The following VWA7 variants were observed in gnomAD, a reference collection of about 807,000 sequenced individuals.
VWA7 encodes von Willebrand factor A domain-containing protein 7.
Under a neutral mutation model 83.1 loss-of-function variants are expected in VWA7, and 66 were observed. The observed-to-expected ratio is 0.79, with a 90% CI of 0.65 to 0.98. The LOEUF (loss-of-function observed/expected upper bound fraction) is 0.98. VWA7 is among the 50% of genes least tolerant of loss of function. The pLI, the probability that VWA7 is intolerant of heterozygous loss-of-function variation, is 0.00. For synonymous variants in VWA7, 424 were observed against 488.5 expected (o/e 0.87, Z 1.74); for missense variants, 1,080 against 1,160.2 (o/e 0.93, Z 1.00).
At position 31,776,745 on chromosome 6, in the gene VWA7, C is replaced by T. The variant is rs1184700767; in HGVS notation, c.35G>A (p.Gly12Asp). ...CTGCAGCAGAAGCAACGCTGAGGGG[C>T]CCGGGTGGGATTGGGGGACCTCCGT... is the stretch of plus-strand genomic sequence containing the variant. Reference protein sequence around the residue: ...LPTEVPQSHPGPSALLLLQLL... With the variant: ...LPTEVPQSHPDPSALLLLQLL... The change falls in exon 2 of 17, where the codon GGC becomes GAC. Residue 12 changes from glycine to aspartate, a missense_variant. Transcript: ENST00000375688. This position sits in a 1 kb window ranked among gnomAD's most constrained non-coding sequence, Gnocchi z 6.2. 4 of 1,457,902 alleles carry T rather than the reference C, an allele frequency of 2.7e-6. No homozygotes were observed. The highest frequency in any genetic ancestry group is 3.6e-6 in the Non-Finnish European group (4 of 1,098,602). The allele number at this position is 1,457,902 out of a possible 1,614,324, so 90.3% of individuals were successfully genotyped here. A position where few individuals can be genotyped will look rare whatever the true frequency, so the allele number is the denominator to read the frequency against.
chr6:31,774,410 T>A, intron 5 of VWA7, 106 bp downstream of exon 5: 1 of 1,089,852 alleles, frequency 9.2e-7, no homozygotes, highest in Non-Finnish European at 1.3e-6. Flanking sequence ...CATCCTCTCC[T>A]CCTAGGAGGA....
In VWA7 at chr6:31,766,544, C is replaced by T. The variant is rs183755311; in HGVS notation, c.2103G>A (p.Glu701=). 1.9e-6 allele frequency: 3 copies of T among 1,612,812 alleles called. No individual in the cohort carries two copies. The Admixed American group carries it at 5.0e-5, about 27-fold the overall frequency. ...LLSTPRPFSL[E]LIGQDAAGRR... is the part of the protein sequence containing the mutation. ...GCCCCGCTGCGTCCTGGCCAATCAG[C>T]TCCAGGGAGAAGGGTCTAGGGGTGG... is the stretch of plus-strand genomic sequence containing the variant. Residue 701 remains glutamate (E), a synonymous_variant, in exon 14 of 17, where the codon GAG becomes GAA. Transcript: ENST00000375688. This position sits in a 1 kb window ranked among gnomAD's most constrained non-coding sequence, Gnocchi z 4.9.
Position 31,765,748 on chromosome 6 carries a change from C to T in VWA7, c.2522G>A (p.Gly841Asp). ...CGTGGTGAGGATCGGGTCAGATGAG[C>T]CGGTAGGGGTGGTGTGCCGGTCCTG... ...APQDRHTTPT[G>D]SSDPILTTAT... Residue 841 changes from glycine (G) to aspartate (D), a missense_variant, in exon 17 of 17, where the codon GGC (glycine) becomes GAC (aspartate). By Grantham distance (94) the Gly-to-Asp change is moderately conservative (BLOSUM62 -1). Coordinates refer to ENST00000375688, the MANE Select transcript of VWA7 (RefSeq NM_025258.3). 1.3e-6 allele frequency: 2 copies of T among 1,588,044 alleles called. No homozygotes were observed. Among genetic ancestry groups the T allele is most frequent in the Non-Finnish European group, 1.7e-6 (2 of 1,166,840 alleles).
At chr6:31,770,732 A>T (rs897943316) in intron 7 of VWA7, among the ~76,000 whole-genome samples, 10 of 151,494 alleles carry the variant, frequency 6.6e-5, no homozygotes, top group Non-Finnish European at 1.0e-4. Context: ...GCGTATATAA[A>T]AAAAAAAATG....
At position 31,767,295 on chromosome 6, in the gene VWA7, T is replaced by C. The variant is rs192536321; in HGVS notation, c.1790-45A>G. The C allele has an allele frequency of 8.6e-4, 1,380 of 1,612,774 alleles. 11 individuals are homozygous for C. The African/African-American group carries it at 0.013, about 15-fold the overall frequency. On this transcript the variant is annotated intron_variant, in intron 12 of 16. Coordinates refer to ENST00000375688, the MANE Select transcript of VWA7 (RefSeq NM_025258.3). ...GTCAGAGCCCTTCCTGAAAGGAATG[T>C]GACTGATCGTGTTCTCTGAGGCCTG... is the stretch of plus-strand genomic sequence containing the variant.
chr6:31,773,194 G>C lies in VWA7; in HGVS notation c.917+48C>G, dbSNP rs185333600. On this transcript the variant is annotated intron_variant, in intron 6 of 16. Coordinates refer to ENST00000375688, the MANE Select transcript of VWA7 (RefSeq NM_025258.3). This position sits in a 1 kb window ranked among gnomAD's most constrained non-coding sequence, Gnocchi z 5.3. Reference sequence around the variant, plus strand: ...CCCAGCGCCTGGTTTCTCCCTTCCCGCAGGAGCGCCTCCCCATGAAGGGGT... The same window carrying C: ...CCCAGCGCCTGGTTTCTCCCTTCCCCCAGGAGCGCCTCCCCATGAAGGGGT... The C allele has an allele frequency of 1.5e-3, 2,383 of 1,588,962 alleles. 19 individuals are homozygous for C. Among genetic ancestry groups the C allele is most frequent in the East Asian group, 8.8e-3 (387 of 43,842 alleles).
chr6:31,772,621 GC>G (rs1214318620), intron 7 of VWA7, among the ~76,000 whole-genome samples: 1 of 38,862 alleles, frequency 2.6e-5, no homozygotes, highest in Non-Finnish European at 4.8e-5. Context: ...TTGTGACAGA[GC>G]TTTTTGCTCT....
At position 31,767,349 on chromosome 6, in the gene VWA7, C is replaced by A. The variant is rs780107181; in HGVS notation, c.1789+13G>T. On this transcript the variant is annotated intron_variant, in intron 12 of 16. Transcript: ENST00000375688. ...TCTCTGCTTCCCCTTCCCAGGAACA[C>A]CTCCCTCCTTACCTTGCACTCTCAC... The A allele has an allele frequency of 4.3e-6, 7 of 1,612,730 alleles. No homozygotes were observed. Among genetic ancestry groups the A allele is most frequent in the Non-Finnish European group, 5.9e-6 (7 of 1,179,186 alleles).
At position 31,769,889 on chromosome 6, in the gene VWA7, C is replaced by CCT. The variant is rs1812004972; in HGVS notation, c.1201-100_1201-99dup. On this transcript the variant is annotated intron_variant, in intron 8 of 16. Transcript: ENST00000375688. This position sits in a 1 kb window ranked among gnomAD's most constrained non-coding sequence, Gnocchi z 4.5. ...GCAGAAGGGAATATGGCCCGGGAAC[C>CCT]CTACAGTGAAGCTAGTGGATCTAGG... The CCT allele has an allele frequency of 1.3e-6, 2 of 1,486,202 alleles. No homozygotes were observed. Among genetic ancestry groups the CCT allele is most frequent in the Admixed American group, 3.4e-5 (2 of 59,290 alleles). The allele number at this position is 1,486,202 out of a possible 1,614,324, so 92.1% of individuals were successfully genotyped here.
Position 31,775,987 on chromosome 6 carries a change from C to T in VWA7, c.490G>A (p.Gly164Arg), listed in dbSNP as rs754227967. ...LDHTLARQRL[G>R]AALHALQDFY... ...ACCTGCAGGGCATGAAGTGCAGCCC[C>T]GAGGCGCTGGCGAGCCAGGGTGTGG... Residue 164 changes from glycine to arginine, a missense_variant, in exon 3 of 17, where the codon GGG (glycine) becomes AGG (arginine). Coordinates refer to ENST00000375688, the MANE Select transcript of VWA7 (RefSeq NM_025258.3). This position sits in a 1 kb window ranked among gnomAD's most constrained non-coding sequence, Gnocchi z 5.9. The T allele has an allele frequency of 8.7e-6, 14 of 1,611,728 alleles. No individual in the cohort carries two copies. The South Asian group carries it at 8.8e-5, about 10-fold the overall frequency.
At chr6:31,770,557 G>A (rs1350266944) in intron 7 of VWA7, among the ~76,000 whole-genome samples, 2 of 110,206 alleles carry the variant, frequency 1.8e-5, no homozygotes, top group African/African-American at 3.3e-5. Flanking sequence ...CCAGTCTGGC[G>A]ACAGACTCCA....
rs1229458392 is a variant in VWA7, at chr6:31,777,200, G to C, written c.-107C>G. ...TATAATTAACCGAGGCTCAGCAGAG[G>C]GGGAGGAAGGCCTCAACAGGGTGGG... is the stretch of plus-strand genomic sequence containing the variant. On this transcript the variant is annotated 5_prime_UTR_variant, in exon 1 of 17. Transcript: ENST00000375688. The surrounding 1 kb of genome is among the most constrained non-coding windows in gnomAD (Gnocchi z 5.8). The C allele has an allele frequency of 1.0e-5, 4 of 390,584 alleles. No individual in the cohort carries two copies. The highest frequency in any genetic ancestry group is 4.1e-5 in the Admixed American group (1 of 24,354). 24.2% of individuals were successfully genotyped at this position (390,584 alleles called of 1,614,324 possible). A position where few individuals can be genotyped will look rare whatever the true frequency, so the allele number is the denominator to read the frequency against.
chr6:31,776,505 G>C lies in VWA7; in HGVS notation c.234+41C>G. ...AAGGAGTAGAGGCCCCATGGAATTG[G>C]GGACTCTGGCAGGGGTGTGACAGGA... On this transcript the variant is annotated intron_variant, in intron 2 of 16. Transcript: ENST00000375688. This position sits in a 1 kb window ranked among gnomAD's most constrained non-coding sequence, Gnocchi z 6.2. 1 of 1,488,252 alleles carries C rather than the reference G, an allele frequency of 6.7e-7. No homozygotes were observed. Among genetic ancestry groups the C allele is most frequent in the African/African-American group, 1.4e-5 (1 of 71,380 alleles). The allele number at this position is 1,488,252 out of a possible 1,614,324, so 92.2% of individuals were successfully genotyped here.
Position 31,769,766 on chromosome 6 carries a change from AGTGGAG to A in VWA7, c.1220_1225del (p.Pro407_Pro408del), listed in dbSNP as rs1811990451. The A allele has an allele frequency of 6.2e-7, 1 of 1,612,948 alleles. No individual in the cohort carries two copies. Among genetic ancestry groups the A allele is most frequent in the African/African-American group, 1.3e-5 (1 of 74,918 alleles). On this transcript the variant is annotated inframe_deletion, in exon 9 of 17. Transcript: ENST00000375688. This position sits in a 1 kb window ranked among gnomAD's most constrained non-coding sequence, Gnocchi z 4.5. ...ATCCGTGAAGACAAAGATATCTGAGAGTGGAGGTGTGTGCAGCAGGGCCAGCTGGCA... is the reference window on the plus strand; with the variant it reads ...ATCCGTGAAGACAAAGATATCTGAGAGTGTGTGCAGCAGGGCCAGCTGGCA...
rs1306291859 is a variant in VWA7 at position 31,766,863 on chromosome 6, T to A, written c.1883-99A>T. 2.9e-6 allele frequency: 4 copies of A among 1,361,612 alleles called. No individual in the cohort carries two copies. In the African/African-American group the frequency reaches 5.8e-5, roughly 20 times the overall value. The allele number at this position is 1,361,612 out of a possible 1,614,324, so 84.3% of individuals were successfully genotyped here. A position where few individuals can be genotyped will look rare whatever the true frequency, so the allele number is the denominator to read the frequency against. On this transcript the variant is annotated intron_variant, in intron 13 of 16. Coordinates refer to ENST00000375688, the MANE Select transcript of VWA7 (RefSeq NM_025258.3). The surrounding 1 kb of genome is among the most constrained non-coding windows in gnomAD (Gnocchi z 4.9). ...AAATAGGGGTTCCCTCTGGGGAGTATGGATGGGAAAATAGGTTACCTTCGA... is the reference window on the plus strand; with the variant it reads ...AAATAGGGGTTCCCTCTGGGGAGTAAGGATGGGAAAATAGGTTACCTTCGA...
In VWA7 at chr6:31,777,310, C is replaced by T. The variant is rs1812782268; in HGVS notation, c.-217G>A. On this transcript the variant is annotated 5_prime_UTR_variant, in exon 1 of 17. Transcript: ENST00000375688. The surrounding 1 kb of genome is among the most constrained non-coding windows in gnomAD (Gnocchi z 5.8). The stretch of plus-strand genomic sequence containing the variant: ...CCACGCCAGGGCGGGCCTCCCTTGG[C>T]TGCAGTGCGGAGGTGAGTGAGAGCT... 1 of 536,732 alleles carries T rather than the reference C, an allele frequency of 1.9e-6. No homozygotes were observed. The highest frequency in any genetic ancestry group is 3.3e-6 in the Non-Finnish European group (1 of 301,558). The allele number at this position is 536,732 out of a possible 1,614,324, so 33.2% of individuals were successfully genotyped here. A position where few individuals can be genotyped will look rare whatever the true frequency, so the allele number is the denominator to read the frequency against.
At position 31,774,536 on chromosome 6, in the gene VWA7, G is replaced by A. The variant is rs997046724; in HGVS notation, c.701C>T (p.Thr234Ile). 1.7e-5 allele frequency: 28 copies of A among 1,612,690 alleles called. No homozygotes were observed. Among genetic ancestry groups the A allele is most frequent in the Non-Finnish European group, 2.4e-5 (28 of 1,179,954 alleles). ...FTLLTSGYFG[T>I]HPPKPPGKCS... ...GGTACCTGGAGGTTTCGGGGGATGA[G>A]TTCCAAAGTAGCCAGAGGTGAGGAG... The change falls in exon 5 of 17, where the codon ACT becomes ATT. Residue 234 changes from threonine to isoleucine, a missense_variant. Physicochemically the swap from Thr to Ile is moderately conservative, Grantham distance 89 (BLOSUM62 -1). Transcript: ENST00000375688.
chr6:31,773,327 G>A lies in VWA7; in HGVS notation c.832C>T (p.Leu278Phe). ...PGFSPHHMLH[L>F]QAAKLALLAS... is the part of the protein sequence containing the mutation. ...AGAAGGGCCAGTTTTGCAGCCTGGA[G>A]GTGCAGCATGTGGTGAGGGGAGAAG... Residue 278 changes from leucine to phenylalanine, a missense_variant, in exon 6 of 17, where the codon CTC becomes TTC. Leu to Phe is a conservative substitution (Grantham distance 22). Transcript: ENST00000375688. The surrounding 1 kb of genome is among the most constrained non-coding windows in gnomAD (Gnocchi z 5.3). 1 of 1,609,024 alleles carries A rather than the reference G, an allele frequency of 6.2e-7. No homozygotes were observed. Among genetic ancestry groups the A allele is most frequent in the Non-Finnish European group, 8.5e-7 (1 of 1,177,944 alleles).
Position 31,766,704 on chromosome 6 carries a change from T to C in VWA7, c.1943A>G (p.Asp648Gly). Residue 648 changes from aspartate to glycine, a missense_variant, in exon 14 of 17, where the codon GAT (aspartate) becomes GGT (glycine). Asp to Gly is a moderately conservative substitution (Grantham distance 94). Coordinates refer to ENST00000375688, the MANE Select transcript of VWA7 (RefSeq NM_025258.3). The surrounding 1 kb of genome is among the most constrained non-coding windows in gnomAD (Gnocchi z 4.9). Reference protein sequence around the residue: ...TGLGSRANPGDPQPHFSHVIL... With the variant: ...TGLGSRANPGGPQPHFSHVIL... The stretch of plus-strand genomic sequence containing the variant: ...GACGTGGGAGAAATGCGGCTGAGGA[T>C]CCCCAGGATTGGCTCTGGAACCCAA... The C allele has an allele frequency of 6.2e-7, 1 of 1,612,358 alleles. No homozygotes were observed. The highest frequency in any genetic ancestry group is 8.5e-7 in the Non-Finnish European group (1 of 1,179,536).
Sources: allele counts gnomAD v4.1 joint callset (sites outside exome capture counted in the v4.1 genomes callset), GRCh38; gene constraint gnomAD v4.1.1; non-coding constraint Gnocchi (gnomAD v3.1); transcripts MANE v1.5; gene names NCBI Gene and HGNC (gene_info 2026-07-23, HGNC 2026-07-21).